Variants in KDM5A observed in about 807,000 individuals in gnomAD.
KDM5A encodes the protein lysine-specific demethylase 5A.
Under a neutral mutation model 193.5 loss-of-function variants are expected in KDM5A, and 42 were observed. The observed-to-expected ratio is 0.22, with a 90% CI of 0.17 to 0.28. The LOEUF is 0.28. Among genes scored for constraint, KDM5A ranks in the 10% least tolerant of loss-of-function variants. KDM5A has a pLI of 1.00. For synonymous variants in KDM5A, 796 were observed against 718.1 expected (o/e 1.11, Z -1.73); for missense variants, 1,692 against 2,055.1 (o/e 0.82, Z 3.42).
rs557439943 is a variant in KDM5A at position 370,371 on chromosome 12, C to A, written c.367-4267G>T. 1.7e-4 allele frequency among the ~76,000 whole-genome samples: 26 copies of A among 152,200 alleles called. No homozygotes were observed. The East Asian group carries it at 4.2e-3, about 25-fold the overall frequency. The stretch of plus-strand genomic sequence containing the variant: ...TCATGCCACCTCATTCCAGCCTGGG[C>A]AACACAGCGAGACTCTGTCTCAAAA... On this transcript the variant is annotated intron_variant, in intron 3 of 27. Transcript: ENST00000399788.
At chr12:297,288 A>G (rs1565525179) in intron 24 of KDM5A, 88 bp from the exon 25 acceptor site, 1 of 1,046,534 alleles carries the variant, frequency 9.6e-7, no homozygotes, top group Non-Finnish European at 1.5e-6. Context: ...TTCAGGTTAA[A>G]GCTTCTAATA....
rs2137508265 is a variant in KDM5A at position 389,058 on chromosome 12, C to G, written c.34G>C (p.Glu12Gln). The G allele has an allele frequency of 6.2e-7, 1 of 1,612,908 alleles. No homozygotes were observed. Among genetic ancestry groups the G allele is most frequent in the African/African-American group, 1.3e-5 (1 of 74,874 alleles). The change falls in exon 1 of 28, where the codon GAG becomes CAG. Residue 12 changes from glutamate (E) to glutamine (Q), a missense_variant. Glu to Gln is a conservative substitution (Grantham distance 29). Transcript: ENST00000399788. ...AGVGPGGYAA[E>Q]FVPPPECPVF... The stretch of plus-strand genomic sequence containing the variant: ...GGGCACTCTGGCGGTGGCACGAACT[C>G]CGCCGCGTAGCCCCCCGGCCCCACG...
At chr12:326,322 T>C (rs1293483321) in intron 14 of KDM5A, among the ~76,000 whole-genome samples, 1 of 152,146 alleles carries the variant, frequency 6.6e-6, no homozygotes, top group Non-Finnish European at 1.5e-5. Context: ...CACAAGGTAA[T>C]AGCTGAAAGA....
intron 10 of KDM5A, among the ~76,000 whole-genome samples, chr12:342,682 TAAC>T (rs1173531244): frequency 6.6e-6 from 1 of 151,034 alleles, no homozygotes; most frequent in South Asian, 2.1e-4. Flanking sequence ...GCCTGGTCTC[TAAC>T]TACTGACCTC....
At position 323,892 on chromosome 12, in the gene KDM5A, A is replaced by G. The variant is rs191844934; in HGVS notation, c.1969-111T>C. The G allele has an allele frequency of 8.4e-4, 715 of 846,988 alleles. 2 individuals carry two copies. In the African/African-American group the frequency reaches 0.01, roughly 12 times the overall value. The allele number at this position is 846,988 out of a possible 1,614,324, so 52.5% of individuals were successfully genotyped here. A position where few individuals can be genotyped will look rare whatever the true frequency, so the allele number is the denominator to read the frequency against. ...ACAAATCTCTGACTTAAAGGTATAA[A>G]CATGAAAGGTACAATGGCACAACAT... On this transcript the variant is annotated intron_variant, in intron 14 of 27. Coordinates refer to ENST00000399788, the MANE Select transcript of KDM5A (RefSeq NM_001042603.3).
chr12:300,685 C>A (rs1425344810), intron 24 of KDM5A, among the ~76,000 whole-genome samples: 1 of 152,058 alleles, frequency 6.6e-6, no homozygotes, highest in Non-Finnish European at 1.5e-5. Context: ...AAGATCAGAG[C>A]AGAACTGAAG....
In KDM5A at chr12:313,089, A is replaced by T. The variant is rs2137397053; in HGVS notation, c.3003T>A (p.Ala1001=). Residue 1001 remains alanine (A), a synonymous_variant, in exon 20 of 28, where the codon GCT becomes GCA. Transcript: ENST00000399788. ...VLSLKEALQK[A]REWTAKVEAI... ...CTTCCACTTTAGCGGTCCATTCTCG[A>T]GCCTTTTGTAAGGCTTCTTTCAAGG... 1 of 1,614,152 alleles carries T rather than the reference A, an allele frequency of 6.2e-7. No individual in the cohort carries two copies. Among genetic ancestry groups the T allele is most frequent in the Non-Finnish European group, 8.5e-7 (1 of 1,180,004 alleles).
At chr12:372,296 C>T (rs910682076) in intron 3 of KDM5A, among the ~76,000 whole-genome samples, 5 of 152,108 alleles carry the variant, frequency 3.3e-5, no homozygotes, top group African/African-American at 9.7e-5. Flanking sequence ...TTGTAGTTCT[C>T]CTTGAAGAGG....
At chr12:382,085 A>G (rs924671038) in intron 3 of KDM5A, among the ~76,000 whole-genome samples, 6 of 152,216 alleles carry the variant, frequency 3.9e-5, no homozygotes, top group Admixed American at 1.3e-4. Context: ...TGCTGGGATT[A>G]TAGGTATGAG....
At chr12:322,947 C>T (rs145901007) in intron 16 of KDM5A, 135 bp downstream of exon 16, 26 of 1,140,142 alleles carry the variant, frequency 2.3e-5, no homozygotes, top group Non-Finnish European at 3.2e-5. Flanking sequence ...TATATTCAAT[C>T]AACCCATTAA....
At chr12:309,765 T>G (rs1316494735) in intron 22 of KDM5A, 38 bp downstream of exon 22, 1 of 1,606,806 alleles carries the variant, frequency 6.2e-7, no homozygotes, top group Non-Finnish European at 8.5e-7. Context: ...GAGTTTTGTA[T>G]TCACCAAGCA....
intron 27 of KDM5A, among the ~76,000 whole-genome samples, chr12:290,871 A>AT (rs1943284146): frequency 6.6e-6 from 1 of 152,186 alleles, no homozygotes; most frequent in Non-Finnish European, 1.5e-5. Context: ...CTCATGATAG[A>AT]TGTAAACATT....
At position 295,628 on chromosome 12, in the gene KDM5A, C is replaced by A. The variant is rs371387810; in HGVS notation, c.4400G>T (p.Arg1467Leu). 1 of 1,614,048 alleles carries A rather than the reference C, an allele frequency of 6.2e-7. No individual in the cohort carries two copies. Among genetic ancestry groups the A allele is most frequent in the Non-Finnish European group, 8.5e-7 (1 of 1,180,000 alleles). ...GGGTGGGTGTGTGGCCTGCAAAATC[C>A]GCCATATGTGTTGAGTCTCGTCCAG... The part of the protein sequence containing the change: ...VSLDETQHIW[R>L]ILQATHPPSE... The change falls in exon 26 of 28, where the codon CGG becomes CTG. Residue 1467 changes from arginine to leucine, a missense_variant. By Grantham distance (102) the Arg-to-Leu change is moderately radical (BLOSUM62 -2). Transcript: ENST00000399788.
Position 310,992 on chromosome 12 carries a change from G to A in KDM5A, c.3109C>T (p.Leu1037Phe). ...SAKGRPIPVRLEALPQVESQV... is the reference protein window; with the variant it reads ...SAKGRPIPVRFEALPQVESQV... ...GATTCCACTTGCGGCAGTGCTTCAA[G>A]ACGCACAGGAATAGGGCGTCCTTTC... Residue 1037 changes from leucine to phenylalanine, a missense_variant, in exon 21 of 28, where the codon CTT (leucine) becomes TTT (phenylalanine). Coordinates refer to ENST00000399788, the MANE Select transcript of KDM5A (RefSeq NM_001042603.3). 1.2e-6 allele frequency: 2 copies of A among 1,614,196 alleles called. No homozygotes were observed. Among genetic ancestry groups the A allele is most frequent in the Non-Finnish European group, 1.7e-6 (2 of 1,180,026 alleles).
Position 328,871 on chromosome 12 carries a change from T to C in KDM5A, c.1932A>G (p.Glu644=), listed in dbSNP as rs1943826661. The change falls in exon 14 of 28, where the codon GAA becomes GAG. Residue 644 remains glutamate, a synonymous_variant. Coordinates refer to ENST00000399788, the MANE Select transcript of KDM5A (RefSeq NM_001042603.3). ...CAGACTCTCTTAATCGTGTTTCTTC[T>C]TCAGTCATGAGAGTCAATTCTTTGC... The part of the protein sequence containing the change: ...MVCKELTLMT[E]EETRLRESVV... The C allele has an allele frequency of 1.9e-6, 3 of 1,614,086 alleles. No individual in the cohort carries two copies. Among genetic ancestry groups the C allele is most frequent in the South Asian group, 2.2e-5 (2 of 91,090 alleles).
chr12:318,354 A>C lies in KDM5A; in HGVS notation c.2649T>G (p.Ser883Arg). 6.2e-7 allele frequency: 1 copy of C among 1,614,142 alleles called. No individual in the cohort carries two copies. Among genetic ancestry groups the C allele is most frequent in the Non-Finnish European group, 8.5e-7 (1 of 1,180,004 alleles). ...KLQMLIDMGS[S>R]LYVELPELPR... ...GTAATTCAGGGAGTTCCACATAGAG[A>C]CTAGAGCCCATATCTATCAACATCT... is the stretch of plus-strand genomic sequence containing the variant. Residue 883 changes from serine to arginine, a missense_variant, in exon 19 of 28, where the codon AGT (serine) becomes AGG (arginine). Ser to Arg is a moderately radical substitution (Grantham distance 110). This residue lies in a region of KDM5A where 965 missense variants were observed against 1,061.0 expected (regional missense o/e 0.91). Coordinates refer to ENST00000399788, the MANE Select transcript of KDM5A (RefSeq NM_001042603.3).
chr12:378,833 C>G (rs557177631), intron 3 of KDM5A, among the ~76,000 whole-genome samples: 10 of 152,090 alleles, frequency 6.6e-5, no homozygotes, highest in Non-Finnish European at 1.5e-4. Flanking sequence ...GTGGTGGGCG[C>G]CTGTAGTCCC....
chr12:364,733 C>T (rs1193246417), intron 4 of KDM5A, among the ~76,000 whole-genome samples: 1 of 142,746 alleles, frequency 7.0e-6, no homozygotes, highest in Non-Finnish European at 1.5e-5. Context: ...TGCAGCAAGC[C>T]GAGATCGCGC....
rs757838732 is a variant in KDM5A, at chr12:354,260, T to C, written c.871-26A>G. 11 of 1,487,154 alleles carry C rather than the reference T, an allele frequency of 7.4e-6. No homozygotes were observed. In the East Asian group the frequency reaches 2.0e-4, roughly 26 times the overall value. 92.1% of individuals were successfully genotyped at this position (1,487,154 alleles called of 1,614,324 possible). On this transcript the variant is annotated intron_variant, in intron 7 of 27. Transcript: ENST00000399788. Reference sequence around the variant, plus strand: ...CTGTTAAAAAAAAAATAAATGAAAGTCTATTTTCTATAATAAATAATAAAT... The same window carrying C: ...CTGTTAAAAAAAAAATAAATGAAAGCCTATTTTCTATAATAAATAATAAAT...
Sources: gnomAD v4.1 joint callset for allele counts (sites outside exome capture counted in the v4.1 genomes callset) on GRCh38, gnomAD v4.1.1 for gene constraint, gnomAD v4.1.1 regional missense constraint, MANE v1.5 for transcripts, NCBI Gene and HGNC (gene_info 2026-07-23, HGNC 2026-07-21) for gene names.